The following WWP2 variants were observed in gnomAD, a reference collection of about 807,000 sequenced individuals.
WWP2 encodes WW domain containing E3 ubiquitin protein ligase 2.
In WWP2, 57 loss-of-function variants were observed where a neutral mutation model predicts 121.0. That is an observed-to-expected ratio of 0.47 (90% CI 0.38 to 0.59). The LOEUF is 0.59. Ranked by LOEUF, WWP2 falls within the 20% of genes least tolerant of loss-of-function variation. The pLI is 0.00. For synonymous variants in WWP2, 449 were observed against 441.3 expected, an observed-to-expected ratio of 1.02 and a Z score of -0.22; for missense variants, 962 against 1,158.9, an observed-to-expected ratio of 0.83 and a Z score of 2.47.
intron 1 of WWP2, among the ~76,000 whole-genome samples, chr16:69,768,855 T>G (rs2151765581): frequency 6.6e-6 from 1 of 152,328 alleles, no homozygotes; most frequent in Middle Eastern, 3.4e-3. Context: ...TTTGGCAAAG[T>G]TGATTCTGTT....
At chr16:69,936,986 G>GC (rs2058809358) in intron 19 of WWP2, 132 bp from the exon 20 acceptor site, 2 of 1,269,828 alleles carry the variant, frequency 1.6e-6, no homozygotes, top group South Asian at 3.1e-5. Context: ...CCTCCAGCAG[G>GC]CTGGGTCTGG....
chr16:69,934,313 C>T (rs979438960), intron 17 of WWP2, among the ~76,000 whole-genome samples, 184 bp downstream of exon 17: 3 of 152,096 alleles, frequency 2.0e-5, no homozygotes, highest in East Asian at 1.9e-4. Flanking sequence ...CGGCAGCCCC[C>T]GTGGACTGGC....
Position 69,909,063 on chromosome 16 carries a change from C to T in WWP2, c.1004+213C>T, listed in dbSNP as rs190725710. 1.9e-3 allele frequency: 2,506 copies of T among 1,335,148 alleles called. 3 individuals carry two copies. The highest frequency in any genetic ancestry group is 2.1e-3 in the Non-Finnish European group (2,193 of 1,042,352). The allele number at this position is 1,335,148 out of a possible 1,614,324, so 82.7% of individuals were successfully genotyped here. A position where few individuals can be genotyped will look rare whatever the true frequency, so the allele number is the denominator to read the frequency against. On this transcript the variant is annotated intron_variant, in intron 9 of 23. Transcript: ENST00000359154. ...TAGAAGATCTCTGGGAAACAAAAGG[C>T]GCATGGGAGGCCAAGATTTAGAGTG...
intron 7 of WWP2, among the ~76,000 whole-genome samples, chr16:69,873,814 C>T (rs1192082455): frequency 3.9e-5 from 6 of 152,124 alleles, no homozygotes; most frequent in African/African-American, 1.2e-4. Context: ...CATGGTTTCC[C>T]GCAGCTACCT....
Position 69,798,701 on chromosome 16 carries a change from G to T in WWP2, c.90G>T (p.Lys30Asn), listed in dbSNP as rs1480491390. ...LTLKVVSAKP[K>N]VHNRQPRINS... ...TCCCAGTGGTGTCCGCAAAGCCCAA[G>T]GTGCATAATCGTCAACCTCGAATTA... Residue 30 changes from lysine (K) to asparagine (N), a missense_variant, in exon 3 of 24, where the codon AAG becomes AAT. Lys to Asn is a moderately conservative substitution (Grantham distance 94, BLOSUM62 0). Coordinates refer to ENST00000359154, the MANE Select transcript of WWP2 (RefSeq NM_001270454.2). 1 of 1,613,964 alleles carries T rather than the reference G, an allele frequency of 6.2e-7. No individual in the cohort carries two copies. The highest frequency in any genetic ancestry group is 1.7e-5 in the Admixed American group (1 of 60,006).
At chr16:69,832,545 T>A (rs1021506563) in intron 4 of WWP2, among the ~76,000 whole-genome samples, 10 of 152,184 alleles carry the variant, frequency 6.6e-5, no homozygotes, top group African/African-American at 1.4e-4. Context: ...TTTTAAAAAA[T>A]TTTTAATGTT....
At chr16:69,794,641 G>A (rs1005339205) in intron 2 of WWP2, among the ~76,000 whole-genome samples, 1 of 152,218 alleles carries the variant, frequency 6.6e-6, no homozygotes, top group Non-Finnish European at 1.5e-5. Context: ...AACTATGTCC[G>A]ATTTCTCTGT....
chr16:69,781,676 G>C (rs1366800834), intron 1 of WWP2, among the ~76,000 whole-genome samples: 2 of 151,990 alleles, frequency 1.3e-5, no homozygotes, highest in Non-Finnish European at 2.9e-5. Context: ...AGTTCATTTT[G>C]TGTTTCTATA....
At chr16:69,936,091 G>A (rs1186486243) in intron 18 of WWP2, 105 bp downstream of exon 18, 8 of 1,536,272 alleles carry the variant, frequency 5.2e-6, no homozygotes, top group African/African-American at 1.4e-5. Flanking sequence ...TGGCCCCTGA[G>A]CTCTTTTCCA....
Position 69,937,264 on chromosome 16 carries a change from C to A in WWP2, c.2238+26C>A, listed in dbSNP as rs1224782187. ...GTGAGTGTCTGAGGTTGCTGGGACC[C>A]TGAGCCCCTGCCTCTGGGGCGATCC... On this transcript the variant is annotated intron_variant, in intron 20 of 23. Transcript: ENST00000359154. The surrounding 1 kb of genome is among the most constrained non-coding windows in gnomAD (Gnocchi z 6.6). The A allele has an allele frequency of 6.2e-7, 1 of 1,611,630 alleles. No homozygotes were observed. The highest frequency in any genetic ancestry group is 8.5e-7 in the Non-Finnish European group (1 of 1,179,110).
Position 69,877,235 on chromosome 16 carries a change from C to G in WWP2, c.703+5304C>G, listed in dbSNP as rs115298473. On this transcript the variant is annotated intron_variant, in intron 7 of 23. Transcript: ENST00000359154. Reference sequence around the variant, plus strand: ...TCTTCTGGATAGCTTGCTGCAGCTTCTTCCTCAGCATTTTCTTCACTTGGA... The same window carrying G: ...TCTTCTGGATAGCTTGCTGCAGCTTGTTCCTCAGCATTTTCTTCACTTGGA... Among the ~76,000 whole-genome samples the G allele has an allele frequency of 8.7e-3, 1,327 of 152,340 alleles. 17 individuals carry two copies. Among genetic ancestry groups the G allele is most frequent in the African/African-American group, 0.03 (1,248 of 41,574 alleles).
intron 12 of WWP2, 39 bp from the exon 13 acceptor site, chr16:69,930,091 T>TG: frequency 6.2e-7 from 1 of 1,612,626 alleles, no homozygotes. Flanking sequence ...GTCCAGAAGG[T>TG]GGGGCCAGCC....
At chr16:69,838,509 G>C (rs1017968418) in intron 4 of WWP2, among the ~76,000 whole-genome samples, 1 of 151,602 alleles carries the variant, frequency 6.6e-6, no homozygotes, top group Non-Finnish European at 1.5e-5. Context: ...CAGGGGGCTA[G>C]ATTTGGCAGC....
intron 1 of WWP2, among the ~76,000 whole-genome samples, chr16:69,775,456 G>A (rs772941934): frequency 6.6e-6 from 1 of 152,118 alleles, no homozygotes; most frequent in Non-Finnish European, 1.5e-5. Context: ...AGCCCATCAA[G>A]GCATTCTTCA....
chr16:69,888,567 C>A (rs2057970276), intron 8 of WWP2, among the ~76,000 whole-genome samples: 1 of 152,194 alleles, frequency 6.6e-6, no homozygotes, highest in South Asian at 2.1e-4. Flanking sequence ...TCGCCTAGAT[C>A]CTGCCTAGAA....
intron 2 of WWP2, among the ~76,000 whole-genome samples, 200 bp from the exon 3 acceptor site, chr16:69,798,480 ATT>A (rs200856879): frequency 3.5e-4 from 48 of 138,518 alleles, no homozygotes; most frequent in Middle Eastern, 3.7e-3. Context: ...CAGGTTAGGG[ATT>A]TTTTTTTTTT....
intron 1 of WWP2, among the ~76,000 whole-genome samples, chr16:69,783,525 C>A (rs1437297784): frequency 6.6e-6 from 1 of 151,136 alleles, no homozygotes; most frequent in Non-Finnish European, 1.5e-5. Flanking sequence ...CTAGCCTGGG[C>A]AATACAGCCA....
intron 21 of WWP2, among the ~76,000 whole-genome samples, 187 bp from the exon 22 acceptor site, chr16:69,938,840 G>A (rs1023051728): frequency 2.6e-5 from 4 of 152,226 alleles, no homozygotes; most frequent in African/African-American, 9.6e-5. Flanking sequence ...GGAATCTCAT[G>A]CACACACAGC....
At chr16:69,896,294 C>CT (rs1158136267) in intron 8 of WWP2, among the ~76,000 whole-genome samples, 1 of 152,052 alleles carries the variant, frequency 6.6e-6, no homozygotes, top group East Asian at 1.9e-4. Context: ...AATTTTTGTA[C>CT]TTTTTGTAGA....
Sources: gnomAD v4.1 joint callset for allele counts (sites outside exome capture counted in the v4.1 genomes callset) on GRCh38, gnomAD v4.1.1 for gene constraint, Gnocchi (gnomAD v3.1) non-coding constraint, MANE v1.5 for transcripts, NCBI Gene and HGNC (gene_info 2026-07-23, HGNC 2026-07-21) for gene names.